The following ACOT11 variants were observed in gnomAD, a reference collection of about 807,000 sequenced individuals.
ACOT11 encodes the protein acyl-coenzyme A thioesterase 11.
A neutral mutation model predicts 77.5 loss-of-function variants in ACOT11; 69 were observed. The ratio of observed to expected loss-of-function variants is 0.89; its 90% CI spans 0.73 to 1.09. ACOT11 has a LOEUF of 1.09. Among genes scored for constraint, ACOT11 ranks in the 50% least tolerant of loss-of-function variants. ACOT11 has a pLI of 0.00. For synonymous variants in ACOT11, 279 were observed against 313.0 expected, an observed-to-expected ratio of 0.89 and a Z score of 1.15; for missense variants, 766 against 813.7, an observed-to-expected ratio of 0.94 and a Z score of 0.71.
At chr1:54,615,731 G>C (rs1644166039) in intron 15 of ACOT11, among the ~76,000 whole-genome samples, 1 of 152,200 alleles carries the variant, frequency 6.6e-6, no homozygotes, top group Non-Finnish European at 1.5e-5. Flanking sequence ...CCAGTTCTGT[G>C]GATACAGGAG....
intron 1 of ACOT11, among the ~76,000 whole-genome samples, chr1:54,553,935 A>G (rs1345462538): frequency 6.6e-6 from 1 of 152,078 alleles, no homozygotes; most frequent in Non-Finnish European, 1.5e-5. Flanking sequence ...GTACTTCGGG[A>G]GGCTGAGATG....
At chr1:54,620,012 A>T in intron 15 of ACOT11, 6 of 1,128,318 alleles carry the variant, frequency 5.3e-6, no homozygotes, top group Non-Finnish European at 7.8e-6. Context: ...CACAGCCTGG[A>T]AGGAATCCCA....
intron 1 of ACOT11, among the ~76,000 whole-genome samples, chr1:54,559,188 C>T (rs898317257): frequency 8.5e-5 from 13 of 152,224 alleles, no homozygotes; most frequent in Non-Finnish European, 1.3e-4. Flanking sequence ...TCTGGAACTT[C>T]CGTGCACCTA....
rs758812219 is a variant in ACOT11, at chr1:54,609,761, C to A, written c.*649C>A. 1.9e-6 allele frequency: 3 copies of A among 1,614,128 alleles called. No individual in the cohort carries two copies. Among genetic ancestry groups the A allele is most frequent in the Admixed American group, 3.3e-5 (2 of 60,028 alleles). ...GCGTGCCAGCAAGGCCAGGGATGGCCGGAGGGCTGCGGGCTCCGCTATTTG... is the reference window on the plus strand; with the variant it reads ...GCGTGCCAGCAAGGCCAGGGATGGCAGGAGGGCTGCGGGCTCCGCTATTTG... On this transcript the variant is annotated 3_prime_UTR_variant, in exon 16 of 16. Transcript: ENST00000343744.
At chr1:54,621,532 G>T (rs950203077) in intron 15 of ACOT11, 2 of 152,140 alleles carry the variant, frequency 1.3e-5, no homozygotes, top group African/African-American at 4.8e-5. Context: ...GGTTGTGAAT[G>T]GCCTCGAACT....
At chr1:54,552,832 T>C (rs1653117307) in intron 1 of ACOT11, among the ~76,000 whole-genome samples, 1 of 29,642 alleles carries the variant, frequency 3.4e-5, no homozygotes, top group Non-Finnish European at 7.4e-5. Flanking sequence ...TTTGTTTTGT[T>C]TTTTTTTTTT....
At chr1:54,619,940 G>T (rs1644213163) in intron 15 of ACOT11, 1 of 1,614,188 alleles carries the variant, frequency 6.2e-7, no homozygotes, top group Admixed American at 1.7e-5. Context: ...CTCGCCGGCT[G>T]ATCTGGCCCA....
At chr1:54,560,560 ACT>A (rs921186619) in intron 1 of ACOT11, among the ~76,000 whole-genome samples, 1 of 152,146 alleles carries the variant, frequency 6.6e-6, no homozygotes, top group African/African-American at 2.4e-5. Flanking sequence ...ACAAGGTCTC[ACT>A]CTGTTGTGCA....
At chr1:54,612,581 C>T (rs1336612268), downstream of ACOT11, 1 of 1,614,108 alleles carries the variant, frequency 6.2e-7, no homozygotes, top group East Asian at 2.2e-5. Flanking sequence ...GCACTCCTCC[C>T]ACCAGCTCGT....
intron 1 of ACOT11, among the ~76,000 whole-genome samples, chr1:54,577,180 G>A (rs1427353588): frequency 1.3e-5 from 2 of 152,204 alleles, no homozygotes; most frequent in Non-Finnish European, 2.9e-5. Flanking sequence ...CCATTTTAAA[G>A]TGACCAGTTC....
intron 15 of ACOT11, among the ~76,000 whole-genome samples, chr1:54,626,247 G>A (rs148950490): frequency 6.6e-6 from 1 of 152,014 alleles, no homozygotes; most frequent in Non-Finnish European, 1.5e-5. Flanking sequence ...ACCAGCCTGA[G>A]CGACAGAGTG....
downstream of ACOT11, chr1:54,614,832 T>C (rs756328391): frequency 5.6e-6 from 9 of 1,613,880 alleles, no homozygotes; most frequent in Admixed American, 1.5e-4. Context: ...GCCCACTGCC[T>C]TGATGTTCTT....
intron 1 of ACOT11, among the ~76,000 whole-genome samples, chr1:54,560,098 C>T (rs1653411535): frequency 6.6e-6 from 1 of 152,284 alleles, no homozygotes; most frequent in Admixed American, 6.5e-5. Context: ...CAGAGTCTGA[C>T]ACTTTGGGGA....
intron 7 of ACOT11, chr1:54,598,001 G>C (rs1557661730): frequency 6.5e-6 from 1 of 153,352 alleles, no homozygotes. Context: ...TTCACTAATT[G>C]ACACTCTCAC....
chr1:54,621,652 G>C (rs1644230640), intron 15 of ACOT11: 1 of 152,750 alleles, frequency 6.5e-6, no homozygotes. Flanking sequence ...GACCTTGTAA[G>C]AGGGGTCCAG....
chr1:54,622,736 G>A (rs895405062), intron 15 of ACOT11, among the ~76,000 whole-genome samples: 10 of 151,816 alleles, frequency 6.6e-5, no homozygotes, highest in African/African-American at 2.2e-4. Context: ...TGAAAACTCC[G>A]TCTCAAAAAA....
At chr1:54,601,456 C>G in intron 9 of ACOT11, 43 bp downstream of exon 9, 3 of 1,595,532 alleles carry the variant, frequency 1.9e-6, no homozygotes, top group Non-Finnish European at 2.6e-6. Flanking sequence ...GCTCCCCTCC[C>G]CTCCCTCTCT....
intron 1 of ACOT11, among the ~76,000 whole-genome samples, chr1:54,580,597 A>G (rs1414928953): frequency 6.6e-6 from 1 of 152,032 alleles, no homozygotes; most frequent in African/African-American, 2.4e-5. Context: ...TGTACCTCAG[A>G]CCTTCCTCCC....
At chr1:54,625,870 C>T (rs1419136759) in intron 15 of ACOT11, among the ~76,000 whole-genome samples, 1 of 141,378 alleles carries the variant, frequency 7.1e-6, no homozygotes, top group Admixed American at 7.5e-5. Flanking sequence ...ATCTGGGAGG[C>T]GGAGGTTGCG....
Sources: allele counts gnomAD v4.1 joint callset (sites outside exome capture counted in the v4.1 genomes callset), GRCh38; gene constraint gnomAD v4.1.1; transcripts MANE v1.5; gene names NCBI Gene and HGNC (gene_info 2026-07-23, HGNC 2026-07-21).